The following CRHR2 variants were observed in gnomAD, a reference collection of about 807,000 sequenced individuals.
CRHR2 encodes corticotropin-releasing hormone receptor 2.
A neutral mutation model predicts 57.9 loss-of-function variants in CRHR2; 53 were observed. The ratio of observed to expected loss-of-function variants is 0.92; its 90% CI spans 0.73 to 1.15. CRHR2 has a LOEUF of 1.15. Ranked by LOEUF, CRHR2 falls within the 50% of genes most tolerant of loss-of-function variation. The pLI is 0.00. For missense variants in CRHR2, 532 were observed against 542.6 expected, an observed-to-expected ratio of 0.98 and a Z score of 0.19; for synonymous variants, 213 against 220.9, an observed-to-expected ratio of 0.96 and a Z score of 0.32.
At chr7:30,655,786 G>A in intron 9 of CRHR2, 71 bp from the exon 10 acceptor site, 1 of 1,591,806 alleles carries the variant, frequency 6.3e-7, no homozygotes, top group African/African-American at 1.3e-5. Context: ...GGCGGCGGGA[G>A]ACAGTGGTGG....
intron 1 of CRHR2, among the ~76,000 whole-genome samples, chr7:30,694,510 C>T (rs947823207): frequency 1.3e-5 from 2 of 152,206 alleles, no homozygotes; most frequent in Admixed American, 6.5e-5. Flanking sequence ...GGCCTGGCGA[C>T]AAAGCTTCTG....
chr7:30,667,306 G>T lies in CRHR2; in HGVS notation c.237C>A (p.Ala79=). The change falls in exon 3 of 12, where the codon GCC becomes GCA. Residue 79 remains alanine (A), a synonymous_variant. Coordinates refer to ENST00000471646, the MANE Select transcript of CRHR2 (RefSeq NM_001883.5). ...TCCCATTCTCCAAGCATTCTCGATA[G>T]GCATTCCCTACAAAAAATGCCAACT... is the stretch of plus-strand genomic sequence containing the variant. ...NGVKYNTTRN[A]YRECLENGTW... is the part of the protein sequence containing the mutation. 1 of 1,614,134 alleles carries T rather than the reference G, an allele frequency of 6.2e-7. No homozygotes were observed. Among genetic ancestry groups the T allele is most frequent in the African/African-American group, 1.3e-5 (1 of 75,046 alleles).
At chr7:30,660,348 T>C (rs1251260736) in intron 8 of CRHR2, among the ~76,000 whole-genome samples, 1 of 152,202 alleles carries the variant, frequency 6.6e-6, no homozygotes, top group East Asian at 1.9e-4. Context: ...GAAAGAGCCC[T>C]GAGGTCAGCA....
At chr7:30,671,039 T>TG (rs769475017) in intron 2 of CRHR2, among the ~76,000 whole-genome samples, 3 of 152,222 alleles carry the variant, frequency 2.0e-5, no homozygotes, top group African/African-American at 7.2e-5. Flanking sequence ...GGCAGTTACC[T>TG]GGGGTGGTCC....
chr7:30,695,357 G>GT (rs1562813419), intron 1 of CRHR2, among the ~76,000 whole-genome samples: 1 of 152,042 alleles, frequency 6.6e-6, no homozygotes, highest in African/African-American at 2.4e-5. Flanking sequence ...GCTCGGCCAA[G>GT]TTCGTCTTCC....
intron 2 of CRHR2, among the ~76,000 whole-genome samples, chr7:30,674,935 T>G (rs1161394121): frequency 5.3e-5 from 8 of 152,206 alleles, no homozygotes; most frequent in South Asian, 2.1e-4. Context: ...CCAAGCAGCA[T>G]CATCTCCCCT....
At chr7:30,658,812 A>T (rs1025831336) in intron 8 of CRHR2, among the ~76,000 whole-genome samples, 1 of 152,242 alleles carries the variant, frequency 6.6e-6, no homozygotes, top group Non-Finnish European at 1.5e-5. Context: ...CTTCCTGCAA[A>T]TTCAACCACC....
At chr7:30,696,314 G>A (rs541884059) in intron 1 of CRHR2, among the ~76,000 whole-genome samples, 2 of 152,248 alleles carry the variant, frequency 1.3e-5, no homozygotes, top group African/African-American at 4.8e-5. Context: ...AATTCTTGAG[G>A]GGATGGATAC....
chr7:30,689,345 G>T, intron 1 of CRHR2: 1 of 1,364,666 alleles, frequency 7.3e-7, no homozygotes, highest in Non-Finnish European at 1.0e-6. Context: ...GACAGTGCCT[G>T]TCTGCCCCCA....
In CRHR2 at chr7:30,665,321, C is replaced by T; in HGVS notation, c.426-134G>A. 1.2e-6 allele frequency: 1 copy of T among 858,548 alleles called. No homozygotes were observed. Among genetic ancestry groups the T allele is most frequent in the Non-Finnish European group, 1.9e-6 (1 of 531,854 alleles). 53.2% of individuals were successfully genotyped at this position (858,548 alleles called of 1,614,324 possible). On this transcript the variant is annotated intron_variant, in intron 4 of 11. Transcript: ENST00000471646. The surrounding 1 kb of genome is among the most constrained non-coding windows in gnomAD (Gnocchi z 4.5). ...AGGAGCCACTTCCCACCCATGGTGG[C>T]CACAGTTGGGCCTCTGAGTCCAGCT... is the stretch of plus-strand genomic sequence containing the variant.
chr7:30,678,336 C>T (rs757751841), intron 2 of CRHR2, among the ~76,000 whole-genome samples: 3 of 152,192 alleles, frequency 2.0e-5, no homozygotes, highest in African/African-American at 7.2e-5. Flanking sequence ...GTCTCTGTCA[C>T]TCGATGGTGC....
chr7:30,696,620 A>C (rs1016142219), intron 1 of CRHR2, among the ~76,000 whole-genome samples: 1 of 152,134 alleles, frequency 6.6e-6, no homozygotes, highest in African/African-American at 2.4e-5. Flanking sequence ...GCTACTCAGG[A>C]GGCTGAGGCA....
At chr7:30,666,247 C>A (rs1030097810) in intron 3 of CRHR2, among the ~76,000 whole-genome samples, 5 of 152,052 alleles carry the variant, frequency 3.3e-5, no homozygotes, top group African/African-American at 1.2e-4. Flanking sequence ...CTATGGGAGG[C>A]CTGGGGTGGG....
chr7:30,665,251 G>C lies in CRHR2; in HGVS notation c.426-64C>G. 1.4e-6 allele frequency: 2 copies of C among 1,405,860 alleles called. No individual in the cohort carries two copies. Among genetic ancestry groups the C allele is most frequent in the Admixed American group, 1.7e-5 (1 of 58,762 alleles). The allele number at this position is 1,405,860 out of a possible 1,614,324, so 87.1% of individuals were successfully genotyped here. ...GGTCAACTGGGACTGGGTTCCCCCT[G>C]AGGCCAGGTAGAGACTCAGCCTGGG... On this transcript the variant is annotated intron_variant, in intron 4 of 11. Coordinates refer to ENST00000471646, the MANE Select transcript of CRHR2 (RefSeq NM_001883.5). The surrounding 1 kb of genome is among the most constrained non-coding windows in gnomAD (Gnocchi z 4.5).
chr7:30,661,980 T>C (rs73294475), intron 7 of CRHR2, among the ~76,000 whole-genome samples, 176 bp downstream of exon 7: 6,604 of 152,282 alleles, frequency 0.043, 503 homozygotes, highest in African/African-American at 0.15. Flanking sequence ...AGCCCTACCA[T>C]GTGAGTACCT....
At chr7:30,662,875 G>A (rs750406148) in intron 5 of CRHR2, 28 bp from the exon 6 acceptor site, 33 of 1,610,780 alleles carry the variant, frequency 2.0e-5, no homozygotes, top group Non-Finnish European at 2.6e-5. Flanking sequence ...AGGCTGTCAG[G>A]AGGCAGCTTG....
At chr7:30,670,520 T>A (rs530620292) in intron 2 of CRHR2, among the ~76,000 whole-genome samples, 1 of 152,302 alleles carries the variant, frequency 6.6e-6, no homozygotes, top group East Asian at 1.9e-4. Flanking sequence ...GGGAGGGGAC[T>A]TCCCTCTCTG....
At chr7:30,683,682 C>G (rs1192192978), upstream of CRHR2, among the ~76,000 whole-genome samples, 1 of 152,212 alleles carries the variant, frequency 6.6e-6, no homozygotes, top group African/African-American at 2.4e-5. Context: ...CCCGAGGCCC[C>G]TCTCAGCTCT....
intron 1 of CRHR2, chr7:30,689,401 A>G: frequency 1.2e-6 from 1 of 853,020 alleles, no homozygotes; most frequent in South Asian, 1.6e-5. Context: ...ACAGAGAGGG[A>G]GAACAAGGAG....
Sources: allele counts gnomAD v4.1 joint callset (sites outside exome capture counted in the v4.1 genomes callset), GRCh38; gene constraint gnomAD v4.1.1; non-coding constraint Gnocchi (gnomAD v3.1); transcripts MANE v1.5; gene names NCBI Gene and HGNC (gene_info 2026-07-23, HGNC 2026-07-21).